The following LRIF1 variants were observed in gnomAD, a reference collection of about 807,000 sequenced individuals.
LRIF1 encodes the protein ligand-dependent nuclear receptor-interacting factor 1.
In LRIF1, 32 loss-of-function variants were observed where a neutral mutation model predicts 52.7. The observed-to-expected ratio is 0.61, with a 90% confidence interval of 0.46 to 0.82. LRIF1 has a LOEUF of 0.82. Among genes scored for constraint, LRIF1 ranks in the 40% least tolerant of loss-of-function variants. The probability of loss-of-function intolerance (pLI) is 0.00; values close to 1 mark genes in which losing one functional copy is unlikely to be tolerated. For missense variants in LRIF1, 887 were observed against 892.0 expected (o/e 0.99, Z 0.07); for synonymous variants, 323 against 317.4 (o/e 1.02, Z -0.19).
chr1:110,943,969 T>G (rs1009451340), downstream of LRIF1: 3 of 152,218 alleles, frequency 2.0e-5, no homozygotes, highest in Admixed American at 6.5e-5. Context: ...AGTCCTCAGA[T>G]AGTGGTTCTT....
At chr1:110,901,771 C>T in the LRIF1 span, among the ~76,000 whole-genome samples, 6 of 152,154 alleles carry the variant, frequency 3.9e-5, no homozygotes, top group African/African-American at 7.2e-5. Flanking sequence ...GCACCGTCCC[C>T]GGTGAGACAT....
At chr1:110,957,176 C>T (rs756346398) in intron 1 of LRIF1, among the ~76,000 whole-genome samples, 7 of 151,748 alleles carry the variant, frequency 4.6e-5, no homozygotes, top group African/African-American at 7.3e-5. Context: ...TGCAACAATT[C>T]GCCAGGTGCG....
the LRIF1 span, among the ~76,000 whole-genome samples, chr1:110,917,571 G>T: frequency 6.6e-6 from 1 of 151,458 alleles, no homozygotes; most frequent in Non-Finnish European, 1.5e-5. Context: ...CAGGAATTTG[G>T]GTGCTTGACA....
chr1:110,902,796 CAA>C, the LRIF1 span, among the ~76,000 whole-genome samples: 4 of 152,136 alleles, frequency 2.6e-5, no homozygotes, highest in Non-Finnish European at 5.9e-5. Context: ...CTGTCTAACA[CAA>C]AAAACCACCT....
chr1:110,935,801 A>G, the LRIF1 span, among the ~76,000 whole-genome samples: 1 of 152,172 alleles, frequency 6.6e-6, no homozygotes, highest in Admixed American at 6.5e-5. Flanking sequence ...AATAATAGAG[A>G]ACTTCCCAAA....
chr1:110,894,091 C>G, the LRIF1 span, among the ~76,000 whole-genome samples: 1 of 152,278 alleles, frequency 6.6e-6, no homozygotes, highest in Admixed American at 6.5e-5. Context: ...ATGTAGTGCT[C>G]TGATAGGCAC....
intron 1 of LRIF1, among the ~76,000 whole-genome samples, chr1:110,953,186 G>A (rs1431848346): frequency 6.6e-6 from 1 of 151,976 alleles, no homozygotes; most frequent in East Asian, 1.9e-4. Context: ...TACTCTAACT[G>A]AAGATTCTCA....
In LRIF1 at chr1:110,947,453, T is replaced by G. The variant is rs1283231720; in HGVS notation, c.*506A>C. 6.6e-6 allele frequency: 1 copy of G among 152,298 alleles called. No individual in the cohort carries two copies. Among genetic ancestry groups the G allele is most frequent in the Non-Finnish European group, 1.5e-5 (1 of 68,142 alleles). The allele number at this position is 152,298 out of a possible 1,614,324, so 9.4% of individuals were successfully genotyped here. On this transcript the variant is annotated 3_prime_UTR_variant, in exon 4 of 4. Coordinates refer to ENST00000369763, the MANE Select transcript of LRIF1 (RefSeq NM_018372.4). ...TTAAATAATGTTGCCATAATACATA[T>G]TATTTCACGACATTAAAAAAAACAA... is the stretch of plus-strand genomic sequence containing the variant.
At chr1:110,945,759 A>G (rs1658190224), downstream of LRIF1, among the ~76,000 whole-genome samples, 1 of 152,156 alleles carries the variant, frequency 6.6e-6, no homozygotes, top group African/African-American at 2.4e-5. Flanking sequence ...CACTGTTTCT[A>G]TGACAGAATG....
At chr1:110,876,750 CATTT>C in the LRIF1 span, among the ~76,000 whole-genome samples, 1 of 152,002 alleles carries the variant, frequency 6.6e-6, no homozygotes, top group Non-Finnish European at 1.5e-5. Flanking sequence ...TCCCTTAGAT[CATTT>C]ATTTATTTCC....
chr1:110,924,263 T>G, the LRIF1 span, among the ~76,000 whole-genome samples: 2 of 152,208 alleles, frequency 1.3e-5, no homozygotes, highest in African/African-American at 2.4e-5. Context: ...CCAAATGGTT[T>G]CACTGGTGAA....
At chr1:110,904,553 T>C in the LRIF1 span, among the ~76,000 whole-genome samples, 2 of 152,214 alleles carry the variant, frequency 1.3e-5, no homozygotes, top group Non-Finnish European at 2.9e-5. Context: ...GTAGTACTTC[T>C]ATGAGTCCAT....
At chr1:110,891,714 A>T in the LRIF1 span, among the ~76,000 whole-genome samples, 1 of 152,202 alleles carries the variant, frequency 6.6e-6, no homozygotes, top group Non-Finnish European at 1.5e-5. Context: ...TGAGGGCTTT[A>T]GTTTACTACT....
chr1:110,947,333 C>T lies in LRIF1; in HGVS notation c.*626G>A, dbSNP rs1253716028. 1.4e-5 allele frequency: 2 copies of T among 147,472 alleles called. No individual in the cohort carries two copies. The highest frequency in any genetic ancestry group is 4.0e-4 in the East Asian group (2 of 5,050). 9.1% of individuals were successfully genotyped at this position (147,472 alleles called of 1,614,324 possible). ...AACACATCACTATAAGCAAACAAAACATCAAATGGCCTGAATTCTAAAATA... is the reference window on the plus strand; with the variant it reads ...AACACATCACTATAAGCAAACAAAATATCAAATGGCCTGAATTCTAAAATA... On this transcript the variant is annotated 3_prime_UTR_variant, in exon 4 of 4. Transcript: ENST00000369763.
the LRIF1 span, among the ~76,000 whole-genome samples, chr1:110,907,461 A>G: frequency 3.3e-5 from 5 of 152,154 alleles, no homozygotes; most frequent in Non-Finnish European, 7.4e-5. Flanking sequence ...CCTGTGATTA[A>G]GATTTGAGCC....
At chr1:110,890,514 T>C in the LRIF1 span, among the ~76,000 whole-genome samples, 1 of 151,674 alleles carries the variant, frequency 6.6e-6, no homozygotes, top group Non-Finnish European at 1.5e-5. Context: ...TTGCAGTGAA[T>C]TGAGATTGTG....
At chr1:110,892,102 A>C in the LRIF1 span, among the ~76,000 whole-genome samples, 2 of 152,248 alleles carry the variant, frequency 1.3e-5, no homozygotes, top group African/African-American at 4.8e-5. Context: ...TGTGGCTCAC[A>C]GAAGTGATCT....
the LRIF1 span, among the ~76,000 whole-genome samples, chr1:110,900,999 A>G: frequency 2.0e-5 from 3 of 152,192 alleles, no homozygotes; most frequent in Non-Finnish European, 4.4e-5. Context: ...AAAGGAATAG[A>G]GAAAAACTGG....
downstream of LRIF1, chr1:110,943,529 C>G (rs1658137090): frequency 6.6e-6 from 1 of 152,144 alleles, no homozygotes; most frequent in Non-Finnish European, 1.5e-5. Flanking sequence ...TACTACGTGT[C>G]AGGTACTATT....
Sources: allele counts gnomAD v4.1 joint callset (sites outside exome capture counted in the v4.1 genomes callset), GRCh38; gene constraint gnomAD v4.1.1; transcripts MANE v1.5; gene names NCBI Gene and HGNC (gene_info 2026-07-23, HGNC 2026-07-21).